CACNA2D3: variants seen among roughly 807,000 people sequenced by gnomAD.
The protein encoded by CACNA2D3 is voltage-dependent calcium channel subunit alpha-2/delta-3.
Under a neutral mutation model 160.6 loss-of-function variants are expected in CACNA2D3, and 60 were observed. The observed-to-expected ratio is 0.37, with a 90% confidence interval of 0.30 to 0.46. The LOEUF (loss-of-function observed/expected upper bound fraction) is 0.46, where lower values mean the gene tolerates loss of function less well. Ranked by LOEUF, CACNA2D3 falls within the 20% of genes least tolerant of loss-of-function variation. The pLI is 1.00. For synonymous variants in CACNA2D3, 558 were observed against 492.9 expected (o/e 1.13, Z -1.75); for missense variants, 1,205 against 1,365.0 (o/e 0.88, Z 1.85).
At chr3:54,288,548 G>T (rs931333525) in intron 2 of CACNA2D3, among the ~76,000 whole-genome samples, 1 of 152,132 alleles carries the variant, frequency 6.6e-6, no homozygotes. Flanking sequence ...TAGAAAAAGA[G>T]GGAATCCTCC....
chr3:55,038,512 A>G (rs1480810049), intron 35 of CACNA2D3, among the ~76,000 whole-genome samples: 1 of 152,174 alleles, frequency 6.6e-6, no homozygotes, highest in Non-Finnish European at 1.5e-5. Flanking sequence ...AGTGCTATAT[A>G]TACATATAAA....
Position 54,391,297 on chromosome 3 carries a change from C to T in CACNA2D3, c.381+4523C>T, listed in dbSNP as rs144407900. On this transcript the variant is annotated intron_variant, in intron 4 of 37. Coordinates refer to ENST00000474759, the MANE Select transcript of CACNA2D3 (RefSeq NM_018398.3). Reference sequence around the variant, plus strand: ...TCTTTTCAGAGGTTTAACTTTTCCCCGTGACCTTATGGCTTGGACATCTAC... The same window carrying T: ...TCTTTTCAGAGGTTTAACTTTTCCCTGTGACCTTATGGCTTGGACATCTAC... 7.4e-3 allele frequency among the ~76,000 whole-genome samples: 1,125 copies of T among 152,212 alleles called. 12 individuals are homozygous for T. The highest frequency in any genetic ancestry group is 0.026 in the African/African-American group (1,067 of 41,534).
At chr3:54,326,121 T>C (rs765363226) in intron 3 of CACNA2D3, among the ~76,000 whole-genome samples, 1 of 152,214 alleles carries the variant, frequency 6.6e-6, no homozygotes, top group Non-Finnish European at 1.5e-5. Flanking sequence ...AGTCCACCGA[T>C]AGGGGTTTAT....
chr3:54,333,523 G>A lies in CACNA2D3; in HGVS notation c.321+12965G>A, dbSNP rs1704313020. On this transcript the variant is annotated intron_variant, in intron 3 of 37. Transcript: ENST00000474759. ...GTGATCAGAGGCTGTGGTGCCCTGAGATGGCTCCTTTGTTGCCTGTTCCTC... is the reference window on the plus strand; with the variant it reads ...GTGATCAGAGGCTGTGGTGCCCTGAAATGGCTCCTTTGTTGCCTGTTCCTC... Among the ~76,000 whole-genome samples the A allele has an allele frequency of 3.3e-5, 5 of 152,062 alleles. No individual in the cohort carries two copies. The South Asian group carries it at 1.0e-3, about 32-fold the overall frequency.
At chr3:54,973,057 G>T (rs893518690) in intron 29 of CACNA2D3, among the ~76,000 whole-genome samples, 1 of 152,032 alleles carries the variant, frequency 6.6e-6, no homozygotes, top group East Asian at 1.9e-4. Flanking sequence ...ACTGACATGC[G>T]GTAGTCAGCG....
intron 2 of CACNA2D3, among the ~76,000 whole-genome samples, chr3:54,303,175 A>C (rs764218544): frequency 1.3e-5 from 2 of 152,116 alleles, no homozygotes; most frequent in Non-Finnish European, 2.9e-5. Context: ...TCCCCAGTAG[A>C]TTCTAAGCTC....
At position 54,987,592 on chromosome 3, in the gene CACNA2D3, C is replaced by T. The variant is rs1702643632; in HGVS notation, c.2620-91C>T. The T allele has an allele frequency of 7.5e-6, 6 of 794,800 alleles. No homozygotes were observed. In the South Asian group the frequency reaches 1.2e-4, roughly 16 times the overall value. 49.2% of individuals were successfully genotyped at this position (794,800 alleles called of 1,614,324 possible). On this transcript the variant is annotated intron_variant, in intron 30 of 37. Transcript: ENST00000474759. ...AACCTGCCTTTTGCTCCTGTCAGTTCCAGGACACAGACTGTGTCCCTTTTC... is the reference window on the plus strand; with the variant it reads ...AACCTGCCTTTTGCTCCTGTCAGTTTCAGGACACAGACTGTGTCCCTTTTC...
intron 3 of CACNA2D3, among the ~76,000 whole-genome samples, chr3:54,322,010 A>G (rs1380083120): frequency 6.6e-6 from 1 of 152,164 alleles, no homozygotes; most frequent in Non-Finnish European, 1.5e-5. Context: ...TGTGAATCAC[A>G]GAATTTTAGA....
intron 4 of CACNA2D3, among the ~76,000 whole-genome samples, chr3:54,467,683 C>T (rs545083659): frequency 6.6e-6 from 1 of 152,186 alleles, no homozygotes; most frequent in Admixed American, 6.5e-5. Context: ...AAGTTGTTCT[C>T]ATAGAAGTAG....
intron 3 of CACNA2D3, among the ~76,000 whole-genome samples, chr3:54,382,465 A>T (rs1474756766): frequency 1.3e-5 from 2 of 152,210 alleles, no homozygotes; most frequent in Non-Finnish European, 2.9e-5. Flanking sequence ...TAGATGATGA[A>T]TCAGTGTATT....
chr3:54,809,176 C>T (rs1209604477), intron 13 of CACNA2D3, among the ~76,000 whole-genome samples: 13 of 151,534 alleles, frequency 8.6e-5, no homozygotes. Flanking sequence ...TCTTTCATTG[C>T]TTCTTCCTTT....
At chr3:54,898,815 C>T (rs1559622091) in intron 26 of CACNA2D3, among the ~76,000 whole-genome samples, 1 of 152,166 alleles carries the variant, frequency 6.6e-6, no homozygotes, top group Non-Finnish European at 1.5e-5. Flanking sequence ...GACAAAGTTA[C>T]AGATGACGTA....
At chr3:54,367,963 CA>C (rs557299248) in intron 3 of CACNA2D3, among the ~76,000 whole-genome samples, 65 of 152,198 alleles carry the variant, frequency 4.3e-4, no homozygotes, top group Admixed American at 8.5e-4. Context: ...TAGTTATCAG[CA>C]AAGAAAAATG....
intron 2 of CACNA2D3, among the ~76,000 whole-genome samples, chr3:54,216,134 C>CGTGTGTGTGTGTGT (rs35251785): frequency 6.7e-6 from 1 of 149,384 alleles, no homozygotes; most frequent in African/African-American, 2.5e-5. Context: ...TTTAGTTGTA[C>CGTGTGTGTGTGTGT]GTGTGTGTGT....
intron 2 of CACNA2D3, among the ~76,000 whole-genome samples, chr3:54,299,687 A>G (rs1703429658): frequency 6.6e-6 from 1 of 152,230 alleles, no homozygotes; most frequent in Admixed American, 6.5e-5. Context: ...TGAATTCAGA[A>G]AAGGGAACTT....
At chr3:54,885,756 G>A (rs1050713808) in intron 23 of CACNA2D3, among the ~76,000 whole-genome samples, 170 bp downstream of exon 23, 1 of 152,106 alleles carries the variant, frequency 6.6e-6, no homozygotes, top group East Asian at 1.9e-4. Flanking sequence ...GAAAGAATGT[G>A]GATTATGGAA....
At chr3:54,523,010 GT>G (rs1701671048) in intron 5 of CACNA2D3, among the ~76,000 whole-genome samples, 1 of 151,848 alleles carries the variant, frequency 6.6e-6, no homozygotes, top group African/African-American at 2.4e-5. Context: ...AGAACTTCCA[GT>G]ATAGTGACAG....
chr3:54,465,109 A>G (rs1379592492), intron 4 of CACNA2D3, among the ~76,000 whole-genome samples: 1 of 148,480 alleles, frequency 6.7e-6, no homozygotes, highest in Admixed American at 6.8e-5. Flanking sequence ...ACATTCAGAC[A>G]TTGTTTTTCT....
At chr3:54,444,607 G>T (rs1052679711) in intron 4 of CACNA2D3, among the ~76,000 whole-genome samples, 10 of 152,256 alleles carry the variant, frequency 6.6e-5, no homozygotes, top group African/African-American at 2.2e-4. Flanking sequence ...AAATCAAGGA[G>T]GCCACATAAC....
Sources: gnomAD v4.1 joint callset for allele counts (sites outside exome capture counted in the v4.1 genomes callset) on GRCh38, gnomAD v4.1.1 for gene constraint, MANE v1.5 for transcripts, NCBI Gene and HGNC (gene_info 2026-07-23, HGNC 2026-07-21) for gene names.